Variants in HDAC9 observed in about 807,000 individuals in gnomAD.
The protein encoded by HDAC9 is histone deacetylase 9.
In HDAC9, 41 loss-of-function variants were observed where a neutral mutation model predicts 139.4. That is an observed-to-expected ratio of 0.29 (90% confidence interval 0.23 to 0.38). The LOEUF is 0.38. Ranked by LOEUF, HDAC9 falls within the 10% of genes least tolerant of loss-of-function variation. HDAC9 has a pLI of 1.00. For synonymous variants in HDAC9, 517 were observed against 476.2 expected (o/e 1.09, Z -1.12); for missense variants, 1,147 against 1,297.0 (o/e 0.88, Z 1.78).
At chr7:18,119,643 A>G (rs1214311645) in intron 1 of HDAC9, among the ~76,000 whole-genome samples, 1 of 152,214 alleles carries the variant, frequency 6.6e-6, no homozygotes, top group Non-Finnish European at 1.5e-5. Flanking sequence ...GATAGTGAAT[A>G]GACACTGGAA....
chr7:18,282,377 T>C (rs1376710540), intron 2 of HDAC9, among the ~76,000 whole-genome samples: 1 of 152,216 alleles, frequency 6.6e-6, no homozygotes, highest in Non-Finnish European at 1.5e-5. Context: ...TGGAAGTATA[T>C]TGTGAATATT....
upstream of HDAC9, among the ~76,000 whole-genome samples, chr7:18,286,868 C>T (rs1362540515): frequency 1.3e-5 from 2 of 152,152 alleles, no homozygotes; most frequent in East Asian, 3.9e-4. Flanking sequence ...TAAATTGATG[C>T]ACAATTCATT....
chr7:18,732,722 C>CACACACACGTGTATGTGTGCATATGTGT (rs1786266501), intron 13 of HDAC9, among the ~76,000 whole-genome samples: 1 of 99,686 alleles, frequency 1.0e-5, no homozygotes, highest in Non-Finnish European at 2.0e-5. Flanking sequence ...TATGTGTACA[C>CACACACACGTGTATGTGTGCATATGTGT]ACACACACGT....
At chr7:18,344,566 A>G (rs1226113982) in intron 1 of HDAC9, among the ~76,000 whole-genome samples, 1 of 152,028 alleles carries the variant, frequency 6.6e-6, no homozygotes, top group Non-Finnish European at 1.5e-5. Context: ...TTAATCTACC[A>G]TTCTATTGGT....
At chr7:18,759,775 GT>G (rs778027448) in intron 14 of HDAC9, among the ~76,000 whole-genome samples, 9 of 152,096 alleles carry the variant, frequency 5.9e-5, no homozygotes, top group Non-Finnish European at 1.2e-4. Flanking sequence ...TAGCAGATGA[GT>G]GTTTAAATGT....
intron 2 of HDAC9, among the ~76,000 whole-genome samples, chr7:18,202,532 C>T (rs758418794): frequency 1.3e-5 from 2 of 152,158 alleles, no homozygotes; most frequent in Non-Finnish European, 2.9e-5. Flanking sequence ...GCAGGTTTCA[C>T]TTCCTTTTAG....
At position 18,586,237 on chromosome 7, in the gene HDAC9, G is replaced by A. The variant is rs537387223; in HGVS notation, c.264+715G>A. Reference sequence around the variant, plus strand: ...ATTTTATTATCTAATAATATTAGATGTGTCTGTTTTTTTAAATTTTGTATC... The same window carrying A: ...ATTTTATTATCTAATAATATTAGATATGTCTGTTTTTTTAAATTTTGTATC... On this transcript the variant is annotated intron_variant, in intron 3 of 25. Transcript: ENST00000686413. 3.3e-5 allele frequency among the ~76,000 whole-genome samples: 5 copies of A among 152,082 alleles called. No homozygotes were observed. The East Asian group carries it at 7.7e-4, about 23-fold the overall frequency.
At chr7:18,114,141 A>T (rs1270664439) in intron 1 of HDAC9, among the ~76,000 whole-genome samples, 1 of 152,204 alleles carries the variant, frequency 6.6e-6, no homozygotes, top group Non-Finnish European at 1.5e-5. Flanking sequence ...TTTGTTGATT[A>T]ATTTATGGTT....
chr7:18,659,829 T>A (rs1405038570), intron 11 of HDAC9, among the ~76,000 whole-genome samples: 1 of 152,132 alleles, frequency 6.6e-6, no homozygotes, highest in Non-Finnish European at 1.5e-5. Context: ...CCCACAGATG[T>A]TTCGTCTTCT....
Position 18,901,497 on chromosome 7 carries a change from G to A in HDAC9, c.2803+26901G>A, listed in dbSNP as rs1031703650. Among the ~76,000 whole-genome samples the A allele has an allele frequency of 3.9e-5, 6 of 152,204 alleles. No individual in the cohort carries two copies. In the East Asian group the frequency reaches 1.2e-3, roughly 29 times the overall value. On this transcript the variant is annotated intron_variant, in intron 22 of 25. Coordinates refer to ENST00000686413, the MANE Select transcript of HDAC9 (RefSeq NM_178425.4). Reference sequence around the variant, plus strand: ...CTTTACAACTGTTTGTTTCTGGTAAGCCTGTTTGTTATTATTACCAGTCAA... The same window carrying A: ...CTTTACAACTGTTTGTTTCTGGTAAACCTGTTTGTTATTATTACCAGTCAA...
chr7:18,444,021 G>A (rs1264482849), intron 1 of HDAC9, among the ~76,000 whole-genome samples: 1 of 151,902 alleles, frequency 6.6e-6, no homozygotes, highest in African/African-American at 2.4e-5. Context: ...AAGGAGAAAA[G>A]TTTCATGCTG....
chr7:18,152,186 A>G (rs1786831265), intron 1 of HDAC9, among the ~76,000 whole-genome samples: 1 of 152,124 alleles, frequency 6.6e-6, no homozygotes. Flanking sequence ...GAGGCCCTGA[A>G]TGTCATAATG....
chr7:18,911,596 G>A (rs371712025), intron 22 of HDAC9, among the ~76,000 whole-genome samples: 3 of 150,814 alleles, frequency 2.0e-5, no homozygotes, highest in African/African-American at 7.3e-5. Flanking sequence ...TTTTTTAGAT[G>A]CATTGTTAGG....
chr7:18,789,450 T>C (rs181739759), intron 16 of HDAC9, among the ~76,000 whole-genome samples: 47 of 152,328 alleles, frequency 3.1e-4, no homozygotes, highest in African/African-American at 1.1e-3. Flanking sequence ...GTTCTATTTT[T>C]AAGAATTTGC....
chr7:18,439,535 A>G (rs1024155284), intron 1 of HDAC9, among the ~76,000 whole-genome samples: 2 of 152,036 alleles, frequency 1.3e-5, no homozygotes, highest in Non-Finnish European at 2.9e-5. Context: ...TATGCCCACC[A>G]TCACCTTCCC....
intron 2 of HDAC9, among the ~76,000 whole-genome samples, chr7:18,580,397 CTAGT>C (rs377435922): frequency 1.3e-5 from 2 of 152,188 alleles, no homozygotes; most frequent in African/African-American, 2.4e-5. Context: ...ATAATTAAGA[CTAGT>C]TAATATTTAT....
chr7:18,215,208 G>T (rs552541401), intron 2 of HDAC9, among the ~76,000 whole-genome samples: 12 of 152,196 alleles, frequency 7.9e-5, no homozygotes, highest in African/African-American at 2.9e-4. Context: ...TTGTACGCAA[G>T]ATCTAGATTT....
intron 1 of HDAC9, among the ~76,000 whole-genome samples, chr7:18,359,045 A>C (rs1480228048): frequency 6.6e-6 from 1 of 152,208 alleles, no homozygotes; most frequent in East Asian, 1.9e-4. Flanking sequence ...ATCACTGCCC[A>C]GTACTTCTTT....
chr7:18,362,186 T>C (rs950910870), intron 1 of HDAC9, among the ~76,000 whole-genome samples: 2 of 152,216 alleles, frequency 1.3e-5, no homozygotes, highest in Non-Finnish European at 2.9e-5. Context: ...TACTTGACCA[T>C]GTAGACTTTC....
Sources: allele counts gnomAD v4.1 joint callset (sites outside exome capture counted in the v4.1 genomes callset), GRCh38; gene constraint gnomAD v4.1.1; transcripts MANE v1.5; gene names NCBI Gene and HGNC (gene_info 2026-07-23, HGNC 2026-07-21).